UBE2E2: variants seen among roughly 807,000 people sequenced by gnomAD.
UBE2E2 encodes ubiquitin conjugating enzyme E2 E2.
Under a neutral mutation model 24.7 loss-of-function variants are expected in UBE2E2, and 6 were observed. The observed-to-expected ratio is 0.24, with a 90% CI of 0.13 to 0.48. UBE2E2 has a LOEUF of 0.48. Ranked by LOEUF, UBE2E2 falls within the 20% of genes least tolerant of loss-of-function variation. The pLI is 0.99. For synonymous variants in UBE2E2, 104 were observed against 83.6 expected, an observed-to-expected ratio of 1.24 and a Z score of -1.33; for missense variants, 169 against 245.0, an observed-to-expected ratio of 0.69 and a Z score of 2.07.
rs78671098 is a variant in UBE2E2 at position 23,548,999 on chromosome 3, T to A, written c.508+16298T>A. Among the ~76,000 whole-genome samples, 791 of 152,246 alleles carry A rather than the reference T, an allele frequency of 5.2e-3. 7 individuals are homozygous for A. The highest frequency in any genetic ancestry group is 0.018 in the African/African-American group (745 of 41,556). On this transcript the variant is annotated intron_variant, in intron 5 of 5. Transcript: ENST00000396703. ...TGAAAATGTGGCTGAACACTGTGAG[T>A]AATGTTGTAGTTCTTGCCAGTCTCA...
At chr3:23,381,897 G>GTA (rs1427897801) in intron 3 of UBE2E2, among the ~76,000 whole-genome samples, 4 of 152,188 alleles carry the variant, frequency 2.6e-5, no homozygotes, top group African/African-American at 9.7e-5. Flanking sequence ...GGAGAAGGAT[G>GTA]TAGACTGAGA....
intron 3 of UBE2E2, among the ~76,000 whole-genome samples, chr3:23,401,844 G>C (rs1253422576): frequency 1.4e-5 from 2 of 139,930 alleles, no homozygotes; most frequent in African/African-American, 5.4e-5. Flanking sequence ...ACCATGCCTG[G>C]CTACTTTTTT....
intron 3 of UBE2E2, among the ~76,000 whole-genome samples, chr3:23,267,391 G>A (rs1317411355): frequency 6.6e-6 from 1 of 152,156 alleles, no homozygotes; most frequent in Non-Finnish European, 1.5e-5. Flanking sequence ...TGATCCCACA[G>A]AAATACAGAC....
chr3:23,555,216 G>C (rs1347112615), intron 5 of UBE2E2, among the ~76,000 whole-genome samples: 1 of 152,012 alleles, frequency 6.6e-6, no homozygotes, highest in Non-Finnish European at 1.5e-5. Flanking sequence ...TGCCCAGCCT[G>C]GTCCTGAATA....
intron 3 of UBE2E2, among the ~76,000 whole-genome samples, chr3:23,253,773 G>A (rs986727153): frequency 6.6e-6 from 1 of 151,890 alleles, no homozygotes; most frequent in Non-Finnish European, 1.5e-5. Context: ...AAATAGGCAA[G>A]GTATATAGTA....
intron 3 of UBE2E2, among the ~76,000 whole-genome samples, chr3:23,336,286 T>C (rs1354766052): frequency 6.6e-6 from 1 of 152,196 alleles, no homozygotes. Context: ...CAATGAATTA[T>C]AGTCCTTATC....
At chr3:23,524,638 C>CTTGTT (rs1389044510) in intron 4 of UBE2E2, among the ~76,000 whole-genome samples, 2 of 152,044 alleles carry the variant, frequency 1.3e-5, no homozygotes, top group Non-Finnish European at 2.9e-5. Context: ...ATCTAAGCCT[C>CTTGTT]TTGTTTTGTT....
At chr3:23,445,446 T>A (rs1698406349) in intron 3 of UBE2E2, among the ~76,000 whole-genome samples, 1 of 152,070 alleles carries the variant, frequency 6.6e-6, no homozygotes, top group Middle Eastern at 3.2e-3. Context: ...TGAATCAGAG[T>A]ATATCTGTAG....
At chr3:23,313,984 C>A (rs1694495838) in intron 3 of UBE2E2, among the ~76,000 whole-genome samples, 1 of 152,144 alleles carries the variant, frequency 6.6e-6, no homozygotes, top group African/African-American at 2.4e-5. Context: ...TTATTTTAAA[C>A]TGAAGACAGC....
chr3:23,343,252 C>A (rs1405097425), intron 3 of UBE2E2, among the ~76,000 whole-genome samples: 1 of 151,642 alleles, frequency 6.6e-6, no homozygotes, highest in Non-Finnish European at 1.5e-5. Flanking sequence ...AAAAGCAAGA[C>A]GCAAGACTGA....
At chr3:23,343,324 C>T (rs1055958507) in intron 3 of UBE2E2, among the ~76,000 whole-genome samples, 1 of 151,930 alleles carries the variant, frequency 6.6e-6, no homozygotes, top group African/African-American at 2.4e-5. Context: ...GCGTGTAATC[C>T]CAGTACTTTG....
intron 3 of UBE2E2, among the ~76,000 whole-genome samples, chr3:23,393,363 GAT>G (rs1185810278): frequency 6.6e-6 from 1 of 152,172 alleles, no homozygotes; most frequent in Non-Finnish European, 1.5e-5. Context: ...AGATGCTCAG[GAT>G]ATATGAGAGT....
chr3:23,250,138 C>T (rs1254234584), intron 3 of UBE2E2, among the ~76,000 whole-genome samples: 1 of 152,018 alleles, frequency 6.6e-6, no homozygotes, highest in East Asian at 1.9e-4. Flanking sequence ...CTGTTGTTAC[C>T]ACAACCTTGC....
chr3:23,292,540 C>T (rs570226433), intron 3 of UBE2E2, among the ~76,000 whole-genome samples: 214 of 152,286 alleles, frequency 1.4e-3, no homozygotes, highest in African/African-American at 4.9e-3. Context: ...CAGAGCCCCA[C>T]TCACTTGTCT....
intron 5 of UBE2E2, among the ~76,000 whole-genome samples, chr3:23,585,120 A>C (rs1283117494): frequency 1.3e-5 from 2 of 152,024 alleles, no homozygotes; most frequent in African/African-American, 4.8e-5. Context: ...CTCATCCTGT[A>C]ATCGCACCAC....
At chr3:23,348,347 C>CAAAAAAAAAAAA (rs35038477) in intron 3 of UBE2E2, among the ~76,000 whole-genome samples, 100 of 121,938 alleles carry the variant, frequency 8.2e-4, no homozygotes, top group South Asian at 6.7e-3. Context: ...GTGCTGCTTT[C>CAAAAAAAAAAAA]AAAAAAAAAA....
chr3:23,272,748 A>G (rs1300499421), intron 3 of UBE2E2, among the ~76,000 whole-genome samples: 1 of 152,082 alleles, frequency 6.6e-6, no homozygotes, highest in Non-Finnish European at 1.5e-5. Context: ...AGATATGGAG[A>G]CGGCAAGCTG....
chr3:23,543,294 C>T (rs144931275), intron 5 of UBE2E2, among the ~76,000 whole-genome samples: 3 of 152,142 alleles, frequency 2.0e-5, no homozygotes, highest in East Asian at 3.9e-4. Context: ...GTGATGTGAT[C>T]GTATACCTAG....
At chr3:23,486,380 G>A (rs1048835314) in intron 3 of UBE2E2, among the ~76,000 whole-genome samples, 1 of 152,212 alleles carries the variant, frequency 6.6e-6, no homozygotes, top group African/African-American at 2.4e-5. Flanking sequence ...AGGTATTACA[G>A]TGTGTCACAG....
Sources: gnomAD v4.1 joint callset for allele counts (sites outside exome capture counted in the v4.1 genomes callset) on GRCh38, gnomAD v4.1.1 for gene constraint, MANE v1.5 for transcripts, NCBI Gene and HGNC (gene_info 2026-07-23, HGNC 2026-07-21) for gene names.